The following NEDD4L variants were observed in gnomAD, a reference collection of about 807,000 sequenced individuals.
NEDD4L encodes E3 ubiquitin-protein ligase NEDD4-like.
A neutral mutation model predicts 148.9 loss-of-function variants in NEDD4L; 54 were observed. That is an observed-to-expected ratio of 0.36 (90% confidence interval 0.29 to 0.45). The LOEUF is 0.45. NEDD4L is among the 20% of genes least tolerant of loss of function. The pLI is 1.00. For missense variants in NEDD4L, 856 were observed against 1,233.8 expected (o/e 0.69, Z 4.59); for synonymous variants, 433 against 440.7 (o/e 0.98, Z 0.22).
At chr18:58,388,626 G>A (rs2146908088) in intron 27 of NEDD4L, 1 of 156,322 alleles carries the variant, frequency 6.4e-6, no homozygotes, top group East Asian at 1.8e-4. Flanking sequence ...GGCAGATGAG[G>A]TGATTTGTCA....
At position 58,316,035 on chromosome 18, in the gene NEDD4L, A is replaced by T. The variant is rs780748593; in HGVS notation, c.348+3A>T. On this transcript the variant is annotated splice_donor_region_variant and intron_variant, in intron 6 of 30. Coordinates refer to ENST00000400345, the MANE Select transcript of NEDD4L (RefSeq NM_001144967.3). ...ACGTGCCCCTTAGTCACCTTCCGGT[A>T]AGGACAGTCTCATGTTTGATGCTTC... 1 of 1,612,178 alleles carries T rather than the reference A, an allele frequency of 6.2e-7. No individual in the cohort carries two copies. Among genetic ancestry groups the T allele is most frequent in the Non-Finnish European group, 8.5e-7 (1 of 1,178,218 alleles).
At chr18:58,151,658 T>TGTGTGTGTGTGTGTG (rs60365242) in intron 1 of NEDD4L, among the ~76,000 whole-genome samples, 63 of 151,108 alleles carry the variant, frequency 4.2e-4, no homozygotes, top group South Asian at 6.3e-4. Context: ...TGTGTGTGTG[T>TGTGTGTGTGTGTGTG]TGGCTGGAGA....
chr18:58,329,444 C>T (rs1276767142), intron 10 of NEDD4L, among the ~76,000 whole-genome samples: 1 of 152,064 alleles, frequency 6.6e-6, no homozygotes, highest in Admixed American at 6.5e-5. Context: ...GCAACCTCCG[C>T]CTCCTGGGTT....
chr18:58,250,682 G>T (rs946102802), intron 4 of NEDD4L, among the ~76,000 whole-genome samples: 2 of 152,080 alleles, frequency 1.3e-5, no homozygotes, highest in Non-Finnish European at 2.9e-5. Context: ...AAGCAGCCAG[G>T]GCCTAGGTCA....
rs1206589431 is a variant in NEDD4L, at chr18:58,134,370, T to TTC, written c.49-31417_49-31416insCT. Among the ~76,000 whole-genome samples, 2 of 11,692 alleles carry TTC rather than the reference T, an allele frequency of 1.7e-4. 1 individual carries two copies. Among genetic ancestry groups the TTC allele is most frequent in the African/African-American group, 1.3e-3 (2 of 1,600 alleles). The allele number at this position is 11,692 out of a possible 152,430, so 7.7% of individuals were successfully genotyped here. On this transcript the variant is annotated intron_variant, in intron 1 of 30. Coordinates refer to ENST00000400345, the MANE Select transcript of NEDD4L (RefSeq NM_001144967.3). ...AGCAATTCCATTTCTTTTTTTTTTT[T>TTC]TTTTTTTTTTTTTTTTTTTTGAGAC...
chr18:58,193,282 A>G (rs866564726), intron 2 of NEDD4L, among the ~76,000 whole-genome samples: 1 of 152,256 alleles, frequency 6.6e-6, no homozygotes, highest in African/African-American at 2.4e-5. Flanking sequence ...TGCAAATAAT[A>G]TACTGGGGTA....
In NEDD4L at chr18:58,366,256, GT is replaced by G; in HGVS notation, c.2063+29del. ...AAGTATATGGCCACACCCAGTGTGTGTCCCCCACTGAGACAGTTGTATGAAT... is the reference window on the plus strand; with the variant it reads ...AAGTATATGGCCACACCCAGTGTGTGCCCCCACTGAGACAGTTGTATGAAT... On this transcript the variant is annotated intron_variant, in intron 21 of 30. Coordinates refer to ENST00000400345, the MANE Select transcript of NEDD4L (RefSeq NM_001144967.3). The surrounding 1 kb of genome is among the most constrained non-coding windows in gnomAD (Gnocchi z 4.2). The G allele has an allele frequency of 7.0e-7, 1 of 1,438,778 alleles. No homozygotes were observed. The allele number at this position is 1,438,778 out of a possible 1,614,324, so 89.1% of individuals were successfully genotyped here.
chr18:58,373,330 C>A, intron 24 of NEDD4L, 61 bp downstream of exon 24: 1 of 925,752 alleles, frequency 1.1e-6, no homozygotes, highest in South Asian at 1.4e-5. Flanking sequence ...TTCTTCTTGA[C>A]GGGCTGTAAC....
chr18:58,351,886 T>C (rs2043937292), intron 18 of NEDD4L, among the ~76,000 whole-genome samples: 1 of 152,244 alleles, frequency 6.6e-6, no homozygotes, highest in African/African-American at 2.4e-5. Flanking sequence ...AAAAGCACGT[T>C]GATGAGCCAC....
intron 1 of NEDD4L, among the ~76,000 whole-genome samples, chr18:58,144,280 A>G (rs984491707): frequency 3.3e-5 from 5 of 152,124 alleles, no homozygotes; most frequent in Non-Finnish European, 7.4e-5. Context: ...CTGCTCGGCT[A>G]CTGGGGAGGC....
chr18:58,348,887 T>A (rs529363683), intron 16 of NEDD4L, among the ~76,000 whole-genome samples: 1 of 152,270 alleles, frequency 6.6e-6, no homozygotes, highest in Non-Finnish European at 1.5e-5. Flanking sequence ...AAGAAAAAAA[T>A]TTTGTAAACG....
At chr18:58,066,565 A>G (rs933872553) in intron 1 of NEDD4L, among the ~76,000 whole-genome samples, 43 of 151,782 alleles carry the variant, frequency 2.8e-4, no homozygotes, top group African/African-American at 9.9e-4. Context: ...TGTTCCACTC[A>G]CCTTGGCCTC....
chr18:58,050,637 T>C lies in NEDD4L; in HGVS notation c.48+5929T>C, dbSNP rs184190033. On this transcript the variant is annotated intron_variant, in intron 1 of 30. Coordinates refer to ENST00000400345, the MANE Select transcript of NEDD4L (RefSeq NM_001144967.3). ...TTAGCTGGGCTTGGTGGCAGGCAACTGTAATCCCAGTTACTCGGGAGGCTG... is the reference window on the plus strand; with the variant it reads ...TTAGCTGGGCTTGGTGGCAGGCAACCGTAATCCCAGTTACTCGGGAGGCTG... Among the ~76,000 whole-genome samples the C allele has an allele frequency of 3.7e-3, 568 of 151,978 alleles. 8 individuals carry two copies. The highest frequency in any genetic ancestry group is 4.7e-3 in the Admixed American group (71 of 15,258).
At chr18:58,200,392 CA>C (rs2041253955) in intron 2 of NEDD4L, among the ~76,000 whole-genome samples, 1 of 124,548 alleles carries the variant, frequency 8.0e-6, no homozygotes, top group African/African-American at 4.1e-5. Context: ...GGACTTGTCC[CA>C]TTTTTTTGCT....
At chr18:58,063,795 C>G (rs185715547) in intron 1 of NEDD4L, among the ~76,000 whole-genome samples, 59 of 151,630 alleles carry the variant, frequency 3.9e-4, no homozygotes, top group Non-Finnish European at 5.2e-4. Flanking sequence ...ACCTTGTGAT[C>G]CACCCGCCTC....
At chr18:58,174,519 C>T (rs1183376815) in intron 2 of NEDD4L, among the ~76,000 whole-genome samples, 1 of 152,164 alleles carries the variant, frequency 6.6e-6, no homozygotes, top group Non-Finnish European at 1.5e-5. Flanking sequence ...CCTTCAATGA[C>T]TTGTAGGAAG....
rs546288351 is a variant in NEDD4L at position 58,315,216 on chromosome 18, C to T, written c.298-766C>T. ...ACATCAGAGGCCATGCCACAAGCACCGTAACTGAGGGATATAGTGTGACTG... is the reference window on the plus strand; with the variant it reads ...ACATCAGAGGCCATGCCACAAGCACTGTAACTGAGGGATATAGTGTGACTG... On this transcript the variant is annotated intron_variant, in intron 5 of 30. Transcript: ENST00000400345. Among the ~76,000 whole-genome samples, 13 of 152,222 alleles carry T rather than the reference C, an allele frequency of 8.5e-5. No individual in the cohort carries two copies. The South Asian group carries it at 1.5e-3, about 17-fold the overall frequency.
intron 2 of NEDD4L, among the ~76,000 whole-genome samples, chr18:58,184,914 C>T (rs1332813035): frequency 1.3e-5 from 2 of 150,778 alleles, no homozygotes; most frequent in Non-Finnish European, 3.0e-5. Context: ...GGCGACAGAG[C>T]GAGACTCCAT....
intron 3 of NEDD4L, 54 bp from the exon 4 acceptor site, chr18:58,248,845 T>C: frequency 1.1e-6 from 1 of 913,662 alleles, no homozygotes. Flanking sequence ...ATTGTACTAG[T>C]AACTGCTAAT....
Sources: gnomAD v4.1 joint callset for allele counts (sites outside exome capture counted in the v4.1 genomes callset) on GRCh38, gnomAD v4.1.1 for gene constraint, Gnocchi (gnomAD v3.1) non-coding constraint, MANE v1.5 for transcripts, NCBI Gene and HGNC (gene_info 2026-07-23, HGNC 2026-07-21) for gene names.